The following PARVB variants were observed in gnomAD, a reference collection of about 807,000 sequenced individuals.
PARVB encodes the protein beta-parvin.
In PARVB, 46 loss-of-function variants were observed where a neutral mutation model predicts 47.0. That is an observed-to-expected ratio of 0.98 (90% confidence interval 0.77 to 1.25). PARVB has a LOEUF of 1.25. Among genes scored for constraint, PARVB ranks in the 50% most tolerant of loss-of-function variants. PARVB has a pLI of 0.00. For missense variants in PARVB, 473 were observed against 471.6 expected (o/e 1.00, Z -0.03); for synonymous variants, 196 against 196.3 (o/e 1.00, Z 0.01).
chr22:44,032,696 A>G (rs1274663929), intron 1 of PARVB, among the ~76,000 whole-genome samples: 1 of 152,210 alleles, frequency 6.6e-6, no homozygotes, highest in Admixed American at 6.5e-5. Flanking sequence ...GACTGGAGGC[A>G]TTGACGCAGA....
At position 44,164,035 on chromosome 22, in the gene PARVB, C is replaced by A; in HGVS notation, c.1018+105C>A. The A allele has an allele frequency of 5.2e-6, 4 of 766,196 alleles. No homozygotes were observed. In the South Asian group the frequency reaches 5.9e-5, roughly 11 times the overall value. The allele number at this position is 766,196 out of a possible 1,614,324, so 47.5% of individuals were successfully genotyped here. ...GCTGGCATGTTGTTCCCCAGATGGG[C>A]CCCACGTCTCTGGCTCTGGGGCAAG... On this transcript the variant is annotated intron_variant, in intron 12 of 12. Transcript: ENST00000338758.
chr22:44,089,371 GCTCACACC>G lies in PARVB; in HGVS notation c.113-4553_113-4546del, dbSNP rs1257424617. On this transcript the variant is annotated intron_variant, in intron 1 of 12. Coordinates refer to ENST00000338758, the MANE Select transcript of PARVB (RefSeq NM_013327.5). This position sits in a 1 kb window ranked among gnomAD's most constrained non-coding sequence, Gnocchi z 4.0. ...GAAATCAAGCCCCAGTCCCTTGGAAGCTCACACCCTCCACACCCTCCAGACACTGAGAG... is the reference window on the plus strand; with the variant it reads ...GAAATCAAGCCCCAGTCCCTTGGAAGCTCCACACCCTCCAGACACTGAGAG... 1 of 152,316 alleles carries G rather than the reference GCTCACACC, an allele frequency of 6.6e-6. No homozygotes were observed. The highest frequency in any genetic ancestry group is 1.5e-5 in the Non-Finnish European group (1 of 68,184). 9.4% of individuals were successfully genotyped at this position (152,316 alleles called of 1,614,324 possible).
At position 44,088,620 on chromosome 22, in the gene PARVB, C is replaced by T. The variant is rs2052088915; in HGVS notation, c.113-5308C>T. ...CCAAGTAGCTGGGATTGCAGGCGCC[C>T]ACTGCCACGCCTGACTAATGTTTGT... On this transcript the variant is annotated intron_variant, in intron 1 of 12. Transcript: ENST00000338758. Among the ~76,000 whole-genome samples the T allele has an allele frequency of 2.0e-5, 3 of 152,134 alleles. No individual in the cohort carries two copies. In the South Asian group the frequency reaches 6.2e-4, roughly 32 times the overall value.
intron 1 of PARVB, among the ~76,000 whole-genome samples, chr22:44,065,879 G>GTA (rs1569087366): frequency 6.6e-6 from 1 of 151,804 alleles, no homozygotes; most frequent in South Asian, 2.1e-4. Context: ...GTGTGTGTGT[G>GTA]TATACACTGA....
At chr22:44,110,641 TGTTGCTGGAGTGCACTG>T (rs1182380737) in intron 3 of PARVB, 2 of 152,154 alleles carry the variant, frequency 1.3e-5, no homozygotes, top group African/African-American at 2.4e-5. Flanking sequence ...AGTCTTGCTC[TGTTGCTGGAGTGCACTG>T]GTGCAATCTC....
chr22:43,999,737 T>A, intron 2 of PARVB: 1 of 1,151,674 alleles, frequency 8.7e-7, no homozygotes, highest in Non-Finnish European at 1.3e-6. Flanking sequence ...CTCATGCCTG[T>A]AACCCTAGCA....
At position 44,122,572 on chromosome 22, in the gene PARVB, G is replaced by C. The variant is rs1193752021; in HGVS notation, c.376+3432G>C. Reference sequence around the variant, plus strand: ...AGAGAGACACAGAGACAGAGAGAGAGAGAGAGAGAGAGAGAGAGAGAGAGA... The same window carrying C: ...AGAGAGACACAGAGACAGAGAGAGACAGAGAGAGAGAGAGAGAGAGAGAGA... On this transcript the variant is annotated intron_variant, in intron 4 of 12. Transcript: ENST00000338758. 4.1e-3 allele frequency among the ~76,000 whole-genome samples: 432 copies of C among 106,498 alleles called. 1 individual carries two copies. Among genetic ancestry groups the C allele is most frequent in the Non-Finnish European group, 6.2e-3 (311 of 49,936 alleles). 69.9% of individuals were successfully genotyped at this position (106,498 alleles called of 152,430 possible). A position where few individuals can be genotyped will look rare whatever the true frequency, so the allele number is the denominator to read the frequency against.
chr22:44,017,873 T>TA (rs764128892), intron 2 of PARVB, among the ~76,000 whole-genome samples: 1 of 152,012 alleles, frequency 6.6e-6, no homozygotes, highest in Non-Finnish European at 1.5e-5. Flanking sequence ...CCAAGGGCAG[T>TA]AGGGGTGTCA....
intron 1 of PARVB, among the ~76,000 whole-genome samples, chr22:44,045,974 A>G (rs893947571): frequency 1.3e-5 from 2 of 152,158 alleles, no homozygotes; most frequent in East Asian, 3.8e-4. Context: ...GAATTTTGGG[A>G]GGAATTGTAC....
intron 8 of PARVB, chr22:44,140,670 G>A (rs557683234): frequency 1.4e-4 from 68 of 501,068 alleles, no homozygotes; most frequent in South Asian, 5.5e-4. Context: ...CTCCTCATCC[G>A]TGAAATGGGA....
At chr22:44,039,246 G>T (rs1198955385) in intron 1 of PARVB, among the ~76,000 whole-genome samples, 1 of 152,116 alleles carries the variant, frequency 6.6e-6, no homozygotes, top group Admixed American at 6.6e-5. Flanking sequence ...AGATAGATTT[G>T]CTCAACAGAA....
At chr22:44,006,700 G>C (rs2050469044) in intron 2 of PARVB, among the ~76,000 whole-genome samples, 1 of 152,184 alleles carries the variant, frequency 6.6e-6, no homozygotes, top group Admixed American at 6.5e-5. Flanking sequence ...AAGATTCCCA[G>C]GTGGCCTGTG....
At chr22:44,058,686 C>T (rs996676111) in intron 1 of PARVB, among the ~76,000 whole-genome samples, 1 of 151,630 alleles carries the variant, frequency 6.6e-6, no homozygotes, top group African/African-American at 2.4e-5. Flanking sequence ...TCCTGAGTAG[C>T]TGGGATTACA....
chr22:44,140,591 T>C lies in PARVB; in HGVS notation c.712+448T>C, dbSNP rs779944914. 4 of 520,960 alleles carry C rather than the reference T, an allele frequency of 7.7e-6. No homozygotes were observed. The East Asian group carries it at 2.2e-4, about 28-fold the overall frequency. 32.3% of individuals were successfully genotyped at this position (520,960 alleles called of 1,614,324 possible). On this transcript the variant is annotated intron_variant, in intron 8 of 12. Transcript: ENST00000338758. ...CCTGGAAACCACTGGTTTAGCAGACTTCCTTAGAGTCAGGCAGCCAGGGCT... is the reference window on the plus strand; with the variant it reads ...CCTGGAAACCACTGGTTTAGCAGACCTCCTTAGAGTCAGGCAGCCAGGGCT...
intron 11 of PARVB, among the ~76,000 whole-genome samples, chr22:44,160,231 C>T (rs2054023182): frequency 6.6e-6 from 1 of 152,160 alleles, no homozygotes; most frequent in African/African-American, 2.4e-5. Context: ...GAGTGGGGTG[C>T]ATCCTGGAGA....
rs2054239883 is a variant in PARVB at position 44,169,157 on chromosome 22, C to G, written c.*479C>G. On this transcript the variant is annotated 3_prime_UTR_variant, in exon 13 of 13. Coordinates refer to ENST00000338758, the MANE Select transcript of PARVB (RefSeq NM_013327.5). ...CCAGGCTTGACGATTCACCGGGGAT[C>G]TCCTGGGCTGGGCTCTCCTTGGAAG... The G allele has an allele frequency of 6.8e-6, 1 of 146,788 alleles. No individual in the cohort carries two copies. Among genetic ancestry groups the G allele is most frequent in the Non-Finnish European group, 1.4e-5 (1 of 70,342 alleles). The allele number at this position is 146,788 out of a possible 1,614,324, so 9.1% of individuals were successfully genotyped here.
rs2054228956 is a variant in PARVB, at chr22:44,168,712, A to G, written c.*34A>G. 6.9e-7 allele frequency: 1 copy of G among 1,446,924 alleles called. No individual in the cohort carries two copies. The highest frequency in any genetic ancestry group is 1.4e-5 in the African/African-American group (1 of 71,620). The allele number at this position is 1,446,924 out of a possible 1,614,324, so 89.6% of individuals were successfully genotyped here. A position where few individuals can be genotyped will look rare whatever the true frequency, so the allele number is the denominator to read the frequency against. ...CTGTGGATGGTGGCAGGAGTGTCCC[A>G]GCAAGAAAGGCGGCATCCGTCTGTG... On this transcript the variant is annotated 3_prime_UTR_variant, in exon 13 of 13. Transcript: ENST00000338758.
At chr22:44,010,272 A>G (rs1187457612) in intron 2 of PARVB, among the ~76,000 whole-genome samples, 1 of 152,216 alleles carries the variant, frequency 6.6e-6, no homozygotes, top group Non-Finnish European at 1.5e-5. Flanking sequence ...CAAAGGAGAA[A>G]GCACAAGTTG....
chr22:44,099,981 G>A lies in PARVB; in HGVS notation c.203-72G>A, dbSNP rs1601599743. 1.8e-5 allele frequency: 22 copies of A among 1,221,900 alleles called. No homozygotes were observed. In the East Asian group the frequency reaches 4.9e-4, roughly 27 times the overall value. 75.7% of individuals were successfully genotyped at this position (1,221,900 alleles called of 1,614,324 possible). A position where few individuals can be genotyped will look rare whatever the true frequency, so the allele number is the denominator to read the frequency against. On this transcript the variant is annotated intron_variant, in intron 2 of 12. Transcript: ENST00000338758. ...TTCTCCATTTGTCAGAGATGAGTTG[G>A]CCTCCCCCTGGTTCCCCGTGTCCCT...
Sources: gnomAD v4.1 joint callset for allele counts (sites outside exome capture counted in the v4.1 genomes callset) on GRCh38, gnomAD v4.1.1 for gene constraint, Gnocchi (gnomAD v3.1) non-coding constraint, MANE v1.5 for transcripts, NCBI Gene and HGNC (gene_info 2026-07-23, HGNC 2026-07-21) for gene names.